The following SCAPER variants were observed in gnomAD, a reference collection of about 807,000 sequenced individuals.
SCAPER encodes the protein S phase cyclin A-associated protein in the endoplasmic reticulum.
Under a neutral mutation model 182.2 loss-of-function variants are expected in SCAPER, and 98 were observed. The ratio of observed to expected loss-of-function variants is 0.54; its 90% CI spans 0.46 to 0.64. The LOEUF (loss-of-function observed/expected upper bound fraction) is 0.64. Ranked by LOEUF, SCAPER falls within the 30% of genes least tolerant of loss-of-function variation. The pLI, the probability that SCAPER is intolerant of heterozygous loss-of-function variation, is 0.00. For missense variants in SCAPER, 1,432 were observed against 1,690.0 expected (o/e 0.85, Z 2.68); for synonymous variants, 605 against 564.6 (o/e 1.07, Z -1.01).
intron 21 of SCAPER, among the ~76,000 whole-genome samples, chr15:76,658,624 C>T (rs754826033): frequency 6.6e-6 from 1 of 152,116 alleles, no homozygotes; most frequent in African/African-American, 2.4e-5. Context: ...CGTAAAAGAA[C>T]AAAGCTGAAG....
chr15:76,722,665 T>A (rs1464733617), intron 17 of SCAPER, among the ~76,000 whole-genome samples: 1 of 152,214 alleles, frequency 6.6e-6, no homozygotes, highest in Non-Finnish European at 1.5e-5. Flanking sequence ...GGAGGGTGTA[T>A]GTGTCAAGGA....
chr15:76,820,558 G>A (rs2067456448), intron 5 of SCAPER, among the ~76,000 whole-genome samples: 2 of 141,062 alleles, frequency 1.4e-5, no homozygotes, highest in African/African-American at 2.6e-5. Context: ...AAGGACACAG[G>A]AAGGGGAACA....
intron 14 of SCAPER, among the ~76,000 whole-genome samples, chr15:76,756,642 G>C (rs1468702246): frequency 6.6e-6 from 1 of 151,946 alleles, no homozygotes; most frequent in African/African-American, 2.4e-5. Flanking sequence ...AAAAATGTGA[G>C]CTGATAAATG....
At chr15:76,412,056 C>T (rs550569503) in intron 26 of SCAPER, among the ~76,000 whole-genome samples, 1 of 152,102 alleles carries the variant, frequency 6.6e-6, no homozygotes, top group Non-Finnish European at 1.5e-5. Context: ...ATCTGTGATC[C>T]ATCTCAAATT....
At chr15:76,643,089 T>C (rs2054235065) in intron 21 of SCAPER, among the ~76,000 whole-genome samples, 1 of 152,220 alleles carries the variant, frequency 6.6e-6, no homozygotes. Context: ...CACCTCTATC[T>C]GTGCCCCCTA....
intron 24 of SCAPER, among the ~76,000 whole-genome samples, chr15:76,485,916 GA>G (rs2051593245): frequency 6.6e-6 from 1 of 151,890 alleles, no homozygotes; most frequent in South Asian, 2.1e-4. Context: ...ATGTAAAACC[GA>G]AAACTATCGG....
At chr15:76,413,728 G>A (rs1322230070) in intron 26 of SCAPER, among the ~76,000 whole-genome samples, 4 of 152,128 alleles carry the variant, frequency 2.6e-5, no homozygotes, top group Non-Finnish European at 4.4e-5. Context: ...AGATTGTGGG[G>A]GTTTCCTCAG....
intron 27 of SCAPER, among the ~76,000 whole-genome samples, chr15:76,385,989 G>A (rs2043263268): frequency 6.6e-6 from 1 of 152,214 alleles, no homozygotes; most frequent in Non-Finnish European, 1.5e-5. Context: ...TGTCACAAGA[G>A]CTGTGTTCCT....
chr15:76,361,108 T>C (rs1435497991), intron 29 of SCAPER, among the ~76,000 whole-genome samples: 2 of 151,914 alleles, frequency 1.3e-5, no homozygotes, highest in Non-Finnish European at 2.9e-5. Context: ...GGAGAGAGTT[T>C]GCAGATTTCA....
At chr15:76,530,400 T>C (rs573309461) in intron 23 of SCAPER, among the ~76,000 whole-genome samples, 40 of 152,332 alleles carry the variant, frequency 2.6e-4, no homozygotes, top group African/African-American at 8.7e-4. Flanking sequence ...TGTACCCTTT[T>C]GAAAGAGTAG....
At chr15:76,680,332 T>C (rs1190285746) in intron 20 of SCAPER, among the ~76,000 whole-genome samples, 2 of 151,710 alleles carry the variant, frequency 1.3e-5, no homozygotes, top group East Asian at 1.9e-4. Context: ...GAAATGGCTA[T>C]ATTAATATTA....
intron 22 of SCAPER, among the ~76,000 whole-genome samples, chr15:76,619,890 C>A (rs930275400): frequency 6.6e-6 from 1 of 152,012 alleles, no homozygotes; most frequent in Non-Finnish European, 1.5e-5. Context: ...CCAGCCTGGG[C>A]AACAAGGTAA....
intron 1 of SCAPER, among the ~76,000 whole-genome samples, chr15:76,885,411 C>T (rs1373824627): frequency 6.6e-6 from 1 of 152,206 alleles, no homozygotes; most frequent in East Asian, 1.9e-4. Flanking sequence ...TGTTGGACCT[C>T]CCATGTGGAA....
intron 26 of SCAPER, among the ~76,000 whole-genome samples, chr15:76,410,034 C>T (rs1449948898): frequency 6.6e-6 from 1 of 151,638 alleles, no homozygotes; most frequent in Non-Finnish European, 1.5e-5. Flanking sequence ...CTCAAGCGAG[C>T]TGCCCTCCTC....
At chr15:76,849,819 T>C (rs2070529211) in intron 4 of SCAPER, among the ~76,000 whole-genome samples, 1 of 152,192 alleles carries the variant, frequency 6.6e-6, no homozygotes, top group Non-Finnish European at 1.5e-5. Context: ...AGAGGTTTAA[T>C]TGACTCACAG....
intron 15 of SCAPER, 37 bp from the exon 16 acceptor site, chr15:76,733,421 T>C (rs952940191): frequency 1.9e-6 from 3 of 1,599,296 alleles, no homozygotes; most frequent in Non-Finnish European, 2.6e-6. Flanking sequence ...TCAGATCAAG[T>C]TAATTCTAGG....
chr15:76,903,998 T>G (rs2074936117), intron 1 of SCAPER, among the ~76,000 whole-genome samples: 1 of 152,210 alleles, frequency 6.6e-6, no homozygotes, highest in African/African-American at 2.4e-5. Context: ...CCAAATCACA[T>G]TAAAACTTGA....
At chr15:76,552,146 G>C (rs1016363526) in intron 23 of SCAPER, among the ~76,000 whole-genome samples, 1 of 152,054 alleles carries the variant, frequency 6.6e-6, no homozygotes, top group Admixed American at 6.6e-5. Context: ...AGCCAAGCAT[G>C]GTAGCACATG....
At chr15:76,614,771 G>A (rs1398164876) in intron 22 of SCAPER, among the ~76,000 whole-genome samples, 2 of 152,166 alleles carry the variant, frequency 1.3e-5, no homozygotes, top group Non-Finnish European at 2.9e-5. Context: ...ATAAAGACTA[G>A]TACAGGGATA....
Sources: gnomAD v4.1 joint callset for allele counts (sites outside exome capture counted in the v4.1 genomes callset) on GRCh38, gnomAD v4.1.1 for gene constraint, MANE v1.5 for transcripts, NCBI Gene and HGNC (gene_info 2026-07-23, HGNC 2026-07-21) for gene names.